Variants in LBR observed in about 807,000 individuals in gnomAD.
LBR encodes delta(14)-sterol reductase LBR.
In LBR, 28 loss-of-function variants were observed where a neutral mutation model predicts 74.3. The ratio of observed to expected loss-of-function variants is 0.38; its 90% CI spans 0.28 to 0.52. LBR has a LOEUF of 0.52. Ranked by LOEUF, LBR falls within the 20% of genes least tolerant of loss-of-function variation. The pLI, the probability that LBR is intolerant of heterozygous loss-of-function variation, is 0.89. For missense variants in LBR, 717 were observed against 760.3 expected (o/e 0.94, Z 0.67); for synonymous variants, 228 against 269.3 (o/e 0.85, Z 1.50).
Position 225,401,942 on chromosome 1 carries a change from A to G in LBR, c.*1361T>C, listed in dbSNP as rs14205. The G allele has an allele frequency of 0.098, 14,967 of 152,284 alleles. 854 individuals are homozygous for G. The highest frequency in any genetic ancestry group is 0.14 in the South Asian group (652 of 4,822). The allele number at this position is 152,284 out of a possible 1,614,324, so 9.4% of individuals were successfully genotyped here. ...AAATGGCTCATATATAAAATGTGTA[A>G]TTAAAACCCAAACATACACACTATG... On this transcript the variant is annotated 3_prime_UTR_variant, in exon 14 of 14. Transcript: ENST00000272163.
chr1:225,411,591 C>T, intron 8 of LBR, 151 bp from the exon 9 acceptor site: 1 of 699,236 alleles, frequency 1.4e-6, no homozygotes, highest in South Asian at 1.5e-5. Context: ...CAGGACGGCA[C>T]AGACGAGCGG....
At chr1:225,423,144 A>G (rs778815613) in intron 2 of LBR, among the ~76,000 whole-genome samples, 5 of 152,234 alleles carry the variant, frequency 3.3e-5, no homozygotes, top group African/African-American at 7.2e-5. Flanking sequence ...TGTTTATAGC[A>G]TTTTGACAAA....
At position 225,414,865 on chromosome 1, in the gene LBR, G is replaced by C. The variant is rs369419772; in HGVS notation, c.892+413C>G. 3.9e-5 allele frequency among the ~76,000 whole-genome samples: 6 copies of C among 152,150 alleles called. No homozygotes were observed. The South Asian group carries it at 8.3e-4, about 21-fold the overall frequency. ...TGAAGATGCAGGTGTCAGACGTTTGGGGGTAAGTTCTCCAGGCAAAGGCCC... is the reference window on the plus strand; with the variant it reads ...TGAAGATGCAGGTGTCAGACGTTTGCGGGTAAGTTCTCCAGGCAAAGGCCC... On this transcript the variant is annotated intron_variant, in intron 7 of 13. Transcript: ENST00000272163.
intron 3 of LBR, among the ~76,000 whole-genome samples, chr1:225,420,558 G>A (rs2096125928): frequency 6.6e-6 from 1 of 152,108 alleles, no homozygotes; most frequent in African/African-American, 2.4e-5. Flanking sequence ...TACCAGGTAA[G>A]AGGCAAAGCT....
Position 225,423,963 on chromosome 1 carries a change from G to A in LBR, c.113C>T (p.Thr38Ile), listed in dbSNP as rs555819295. The stretch of plus-strand genomic sequence containing the variant: ...CTCTGTTCCATCTTTATACTTCACA[G>A]TGTAAAGCTGGGAGGTGCTGTCGTG... ...LSHDSTSQLY[T>I]VKYKDGTELE... Residue 38 changes from threonine (T) to isoleucine (I), a missense_variant, in exon 2 of 14, where the codon ACT becomes ATT. Physicochemically the swap from Thr to Ile is moderately conservative, Grantham distance 89. Transcript: ENST00000272163. The A allele has an allele frequency of 5.0e-6, 8 of 1,613,724 alleles. No homozygotes were observed. The highest frequency in any genetic ancestry group is 6.8e-6 in the Non-Finnish European group (8 of 1,179,676).
upstream of LBR, among the ~76,000 whole-genome samples, chr1:225,428,461 A>G (rs1235536681): frequency 6.6e-6 from 1 of 152,168 alleles, no homozygotes; most frequent in Non-Finnish European, 1.5e-5. Flanking sequence ...AAGAAAACTA[A>G]TACATTCTTG....
rs79979381 is a variant in LBR, at chr1:225,421,980, T to A, written c.366+97A>T. The A allele has an allele frequency of 3.3e-6, 4 of 1,199,166 alleles. No homozygotes were observed. The African/African-American group carries it at 6.0e-5, about 18-fold the overall frequency. The allele number at this position is 1,199,166 out of a possible 1,614,324, so 74.3% of individuals were successfully genotyped here. A position where few individuals can be genotyped will look rare whatever the true frequency, so the allele number is the denominator to read the frequency against. ...CAAAGTCATCAACTTAGATTTGATGTTTCAGTGACATTTTAATATTATTAA... is the reference window on the plus strand; with the variant it reads ...CAAAGTCATCAACTTAGATTTGATGATTCAGTGACATTTTAATATTATTAA... On this transcript the variant is annotated intron_variant, in intron 3 of 13. Coordinates refer to ENST00000272163, the MANE Select transcript of LBR (RefSeq NM_002296.4).
chr1:225,406,866 G>A (rs2096093010), intron 10 of LBR, 34 bp from the exon 11 acceptor site: 2 of 1,602,174 alleles, frequency 1.2e-6, no homozygotes, highest in Non-Finnish European at 1.7e-6. Context: ...GGGAGAAGGA[G>A]CTTCTGTGTT....
intron 9 of LBR, among the ~76,000 whole-genome samples, chr1:225,411,108 TAATAAA>T: frequency 6.6e-6 from 1 of 152,200 alleles, no homozygotes. Context: ...TAAACTGATA[TAATAAA>T]AATAAAGCAA....
At chr1:225,416,719 C>T (rs184158377) in intron 6 of LBR, among the ~76,000 whole-genome samples, 4 of 152,272 alleles carry the variant, frequency 2.6e-5, no homozygotes, top group Non-Finnish European at 4.4e-5. Context: ...CAAAATATTT[C>T]GGAAAAAATT....
intron 6 of LBR, among the ~76,000 whole-genome samples, 165 bp from the exon 7 acceptor site, chr1:225,415,497 T>C (rs2096115478): frequency 6.6e-6 from 1 of 152,216 alleles, no homozygotes; most frequent in Admixed American, 6.5e-5. Context: ...AAAACCCTAG[T>C]GGCAAGCCCT....
At chr1:225,426,889 C>T (rs1166001539) in intron 1 of LBR, among the ~76,000 whole-genome samples, 2 of 152,242 alleles carry the variant, frequency 1.3e-5, no homozygotes, top group African/African-American at 2.4e-5. Flanking sequence ...TCTCCCTCTT[C>T]CCAGGCAGCC....
rs974564293 is a variant in LBR at position 225,423,667 on chromosome 1, A to G, written c.165+244T>C. On this transcript the variant is annotated intron_variant, in intron 2 of 13. Coordinates refer to ENST00000272163, the MANE Select transcript of LBR (RefSeq NM_002296.4). ...ACAGCAAACTCCAGACACAGAACGT[A>G]GTAAACCCAGGGGACCAACAGATGC... Among the ~76,000 whole-genome samples the G allele has an allele frequency of 2.0e-5, 3 of 152,224 alleles. No individual in the cohort carries two copies. The East Asian group carries it at 5.8e-4, about 29-fold the overall frequency.
At chr1:225,427,188 C>T (rs994081320) in intron 1 of LBR, 4 of 152,262 alleles carry the variant, frequency 2.6e-5, no homozygotes, top group Non-Finnish European at 4.4e-5. Context: ...ACAAAGCCCT[C>T]CGAAAGCAAG....
At chr1:225,421,539 A>C (rs2096127497) in intron 3 of LBR, among the ~76,000 whole-genome samples, 1 of 152,266 alleles carries the variant, frequency 6.6e-6, no homozygotes, top group Non-Finnish European at 1.5e-5. Flanking sequence ...CATTAAGTGA[A>C]TAGAAGATTA....
chr1:225,411,570 T>A, intron 8 of LBR, 130 bp from the exon 9 acceptor site: 3 of 746,302 alleles, frequency 4.0e-6, no homozygotes, highest in Non-Finnish European at 7.3e-6. Flanking sequence ...GCTCTGGTGG[T>A]GAGAGGCAGA....
chr1:225,422,211 T>G lies in LBR; in HGVS notation c.232A>C (p.Ser78Arg), dbSNP rs539965123. ...TSSSPSRRRGSRSRSRSRSPG... is the reference protein window; with the variant it reads ...TSSSPSRRRGRRSRSRSRSPG... ...GATCGGGAGCGTGACCTTGATCGAC[T>G]CCCTCGGCGTCTGGAAGGGGAACTG... Residue 78 changes from serine to arginine, a missense_variant, in exon 3 of 14, where the codon AGT becomes CGT. Ser to Arg is a moderately radical substitution (Grantham distance 110). Coordinates refer to ENST00000272163, the MANE Select transcript of LBR (RefSeq NM_002296.4). 2 of 1,613,958 alleles carry G rather than the reference T, an allele frequency of 1.2e-6. No individual in the cohort carries two copies. Among genetic ancestry groups the G allele is most frequent in the East Asian group, 4.5e-5 (2 of 44,880 alleles).
intron 7 of LBR, among the ~76,000 whole-genome samples, chr1:225,413,110 A>T (rs1413010370): frequency 6.6e-6 from 1 of 152,252 alleles, no homozygotes; most frequent in East Asian, 1.9e-4. Flanking sequence ...AAATATTTAT[A>T]CTTAACCAAG....
At chr1:225,418,228 A>G in intron 5 of LBR, 48 bp from the exon 6 acceptor site, 1 of 1,550,308 alleles carries the variant, frequency 6.5e-7, no homozygotes, top group Non-Finnish European at 8.8e-7. Context: ...AATCTGGTTT[A>G]TTTATTTAAG....
Sources: gnomAD v4.1 joint callset for allele counts (sites outside exome capture counted in the v4.1 genomes callset) on GRCh38, gnomAD v4.1.1 for gene constraint, MANE v1.5 for transcripts, NCBI Gene and HGNC (gene_info 2026-07-23, HGNC 2026-07-21) for gene names.